Variants in NDRG4 observed in about 807,000 individuals in gnomAD.
NDRG4 encodes NDRG family member 4, also known as protein NDRG4.
In NDRG4, 38 loss-of-function variants were observed where a neutral mutation model predicts 55.8. The observed-to-expected ratio is 0.68, with a 90% CI of 0.53 to 0.89. The LOEUF is 0.89. Among genes scored for constraint, NDRG4 ranks in the 40% least tolerant of loss-of-function variants. The pLI is 0.00. For missense variants in NDRG4, 455 were observed against 468.6 expected (o/e 0.97, Z 0.27); for synonymous variants, 190 against 182.7 (o/e 1.04, Z -0.32).
chr16:58,514,933 T>C (rs931926557), downstream of NDRG4, among the ~76,000 whole-genome samples: 3 of 152,138 alleles, frequency 2.0e-5, no homozygotes, highest in East Asian at 1.9e-4. Flanking sequence ...TAGGTAGATA[T>C]TGAGTCCCTA....
intron 1 of NDRG4, among the ~76,000 whole-genome samples, chr16:58,474,407 C>T (rs746813432): frequency 1.3e-4 from 20 of 152,198 alleles, no homozygotes; most frequent in East Asian, 5.8e-4. Flanking sequence ...CTGGCCTTTG[C>T]GCTTGCTGTT....
intron 4 of NDRG4, 68 bp downstream of exon 4, chr16:58,504,489 T>C: frequency 2.8e-5 from 45 of 1,611,564 alleles, no homozygotes; most frequent in Non-Finnish European, 3.8e-5. Flanking sequence ...GCCACCTGGC[T>C]CCAGCTGAGG....
At chr16:58,500,816 G>A in intron 1 of NDRG4, 1 of 423,444 alleles carries the variant, frequency 2.4e-6, no homozygotes, top group Non-Finnish European at 4.1e-6. Context: ...CCAGTGTGAT[G>A]GGAAGGACAG....
intron 13 of NDRG4, 173 bp downstream of exon 13, chr16:58,509,525 A>T (rs1473551163): frequency 7.5e-6 from 5 of 665,422 alleles, no homozygotes; most frequent in Admixed American, 2.9e-5. Context: ...CACAGATGCC[A>T]CCTGAGTTGC....
At chr16:58,486,709 AC>A (rs2035123568) in intron 1 of NDRG4, among the ~76,000 whole-genome samples, 1 of 21,794 alleles carries the variant, frequency 4.6e-5, no homozygotes. Flanking sequence ...CTACACACAC[AC>A]ACACACACAC....
chr16:58,502,441 CAA>C (rs937035292), intron 1 of NDRG4, among the ~76,000 whole-genome samples: 2 of 152,200 alleles, frequency 1.3e-5, no homozygotes, highest in South Asian at 2.1e-4. Context: ...GCCTGCAAGT[CAA>C]AGAGTGTTCT....
intron 1 of NDRG4, among the ~76,000 whole-genome samples, chr16:58,476,866 T>G (rs1275848275): frequency 1.3e-5 from 2 of 152,180 alleles, no homozygotes; most frequent in African/African-American, 4.8e-5. Context: ...GGATCTAATA[T>G]ATTCTAAAAG....
intron 1 of NDRG4, among the ~76,000 whole-genome samples, chr16:58,502,383 A>G (rs2037282951): frequency 6.6e-6 from 1 of 152,238 alleles, no homozygotes; most frequent in East Asian, 1.9e-4. Flanking sequence ...GCTCACCCTA[A>G]GGCTCATTAC....
chr16:58,493,934 C>T (rs1038823903), intron 2 of NDRG4, among the ~76,000 whole-genome samples: 1 of 152,138 alleles, frequency 6.6e-6, no homozygotes, highest in Non-Finnish European at 1.5e-5. Flanking sequence ...GAGCCAGGCC[C>T]CCGCAGAGTG....
intron 1 of NDRG4, chr16:58,501,280 AC>A (rs1179095468): frequency 2.5e-6 from 1 of 392,784 alleles, no homozygotes; most frequent in African/African-American, 2.1e-5. Flanking sequence ...CCACAGCACC[AC>A]CAGCACCAAC....
At chr16:58,487,886 G>T in intron 2 of NDRG4, 1 of 1,461,474 alleles carries the variant, frequency 6.8e-7, no homozygotes, top group Non-Finnish European at 9.2e-7. Flanking sequence ...TCTTAGGGCC[G>T]AGCGCGCCAC....
chr16:58,472,327 C>T lies in NDRG4; in HGVS notation c.-24+8530C>T, dbSNP rs554256163. ...CACCCAGGAGGATGACCAGGGTGGC[C>T]TGGGGGTGCTTTTCCCCATCACAGC... On this transcript the variant is annotated intron_variant, in intron 1 of 15. Transcript: ENST00000258187. 4.6e-5 allele frequency: 7 copies of T among 152,408 alleles called. No homozygotes were observed. In the East Asian group the frequency reaches 1.2e-3, roughly 25 times the overall value. 9.4% of individuals were successfully genotyped at this position (152,408 alleles called of 1,614,324 possible). A position where few individuals can be genotyped will look rare whatever the true frequency, so the allele number is the denominator to read the frequency against.
At chr16:58,509,498 C>T in intron 13 of NDRG4, 146 bp downstream of exon 13, 1 of 811,662 alleles carries the variant, frequency 1.2e-6, no homozygotes, top group Non-Finnish European at 1.9e-6. Flanking sequence ...GTGACCTGGG[C>T]CCCGGATGCT....
At chr16:58,482,665 A>ATCCCTCCCTTCCTCCC (rs2034554623) in intron 1 of NDRG4, among the ~76,000 whole-genome samples, 1 of 71,076 alleles carries the variant, frequency 1.4e-5, no homozygotes, top group Non-Finnish European at 3.0e-5. Context: ...CTCTCTTTCC[A>ATCCCTCCCTTCCTCCC]TCCCTCCCTT....
chr16:58,513,962 TAAAAC>T (rs1318491809), downstream of NDRG4, among the ~76,000 whole-genome samples: 7 of 151,650 alleles, frequency 4.6e-5, no homozygotes, highest in Non-Finnish European at 8.8e-5. Context: ...TGCCTCAAAA[TAAAAC>T]AAAAAAACAA....
Position 58,464,897 on chromosome 16 carries a change from G to T in NDRG4, c.-24+1100G>T. Reference sequence around the variant, plus strand: ...TCTTTCTCTGGGGGAGAAGTTTCTTGCTGGGAGTGGAGGCGACGCCAAGTG... The same window carrying T: ...TCTTTCTCTGGGGGAGAAGTTTCTTTCTGGGAGTGGAGGCGACGCCAAGTG... On this transcript the variant is annotated intron_variant, in intron 1 of 15. Coordinates refer to the NDRG4 transcript ENST00000258187. This position sits in a 1 kb window ranked among gnomAD's most constrained non-coding sequence, Gnocchi z 4.8. 8.5e-7 allele frequency: 1 copy of T among 1,173,160 alleles called. No homozygotes were observed. The allele number at this position is 1,173,160 out of a possible 1,614,324, so 72.7% of individuals were successfully genotyped here.
chr16:58,506,776 ACCTGCCCCCACCCTGTCTCCCCTG>A (rs2038089726), intron 7 of NDRG4, 112 bp from the exon 8 acceptor site: 1 of 1,144,136 alleles, frequency 8.7e-7, no homozygotes, highest in Non-Finnish European at 1.3e-6. Flanking sequence ...CACACCTCCT[ACCTGCCCCCACCCTGTCTCCCCTG>A]CCTGCTGAGT....
chr16:58,499,805 G>T (rs2432560), upstream of NDRG4: 202,843 of 303,678 alleles, frequency 0.67, 68,567 homozygotes, highest in East Asian at 0.78. Flanking sequence ...GACCCTGTGT[G>T]TACCTGACAT....
intron 8 of NDRG4, 92 bp from the exon 9 acceptor site, chr16:58,507,716 T>C: frequency 7.8e-7 from 1 of 1,285,962 alleles, no homozygotes; most frequent in Admixed American, 1.8e-5. Context: ...CACGCCTCCC[T>C]GCTTTACCAA....
Sources: allele counts gnomAD v4.1 joint callset (sites outside exome capture counted in the v4.1 genomes callset), GRCh38; gene constraint gnomAD v4.1.1; non-coding constraint Gnocchi (gnomAD v3.1); transcripts MANE v1.5; gene names NCBI Gene and HGNC (gene_info 2026-07-23, HGNC 2026-07-21).